ALPK2: variants seen among roughly 807,000 people sequenced by gnomAD.
ALPK2 encodes the protein alpha kinase 2.
In ALPK2, 127 loss-of-function variants were observed where a neutral mutation model predicts 163.1. That is an observed-to-expected ratio of 0.78 (90% CI 0.67 to 0.90). The LOEUF is 0.90. Among genes scored for constraint, ALPK2 ranks in the 40% least tolerant of loss-of-function variants. The pLI is 0.00. For synonymous variants in ALPK2, 953 were observed against 959.1 expected, an observed-to-expected ratio of 0.99 and a Z score of 0.12; for missense variants, 2,360 against 2,589.6, an observed-to-expected ratio of 0.91 and a Z score of 1.92.
At chr18:58,576,968 G>C (rs578120518) in intron 4 of ALPK2, among the ~76,000 whole-genome samples, 1 of 152,222 alleles carries the variant, frequency 6.6e-6, no homozygotes, top group African/African-American at 2.4e-5. Context: ...CAGTGTTCAC[G>C]GTTCTGAGGT....
intron 3 of ALPK2, among the ~76,000 whole-genome samples, chr18:58,606,857 A>G (rs533724511): frequency 2.9e-4 from 44 of 152,350 alleles, no homozygotes; most frequent in African/African-American, 9.4e-4. Flanking sequence ...ATCACTGTAC[A>G]GGACCATACT....
At chr18:58,491,179 G>A (rs761326269) in intron 12 of ALPK2, among the ~76,000 whole-genome samples, 5 of 152,324 alleles carry the variant, frequency 3.3e-5, no homozygotes, top group East Asian at 1.9e-4. Context: ...AACTGACTCC[G>A]TCTTGCTTCT....
chr18:58,508,067 C>G (rs1030397366), intron 10 of ALPK2, among the ~76,000 whole-genome samples: 8 of 152,178 alleles, frequency 5.3e-5, no homozygotes, highest in African/African-American at 1.9e-4. Context: ...TGGTACCACC[C>G]AGACTGGTAA....
At chr18:58,628,045 C>G (rs1014255448) in intron 1 of ALPK2, among the ~76,000 whole-genome samples, 5 of 152,180 alleles carry the variant, frequency 3.3e-5, no homozygotes, top group African/African-American at 1.2e-4. Context: ...ATGTCTGTAA[C>G]TGACACCCTT....
At chr18:58,608,101 G>A (rs1055224396) in intron 2 of ALPK2, among the ~76,000 whole-genome samples, 1 of 152,140 alleles carries the variant, frequency 6.6e-6, no homozygotes, top group African/African-American at 2.4e-5. Flanking sequence ...TCTTTAAAAT[G>A]TGTATTTCAT....
chr18:58,611,922 C>T (rs567780238), intron 1 of ALPK2, 105 bp from the exon 2 acceptor site: 20 of 674,990 alleles, frequency 3.0e-5, no homozygotes, highest in East Asian at 2.0e-4. Context: ...GCTCACTGCA[C>T]GCTGGAGGGT....
chr18:58,513,110 G>A lies in ALPK2; in HGVS notation c.6029+1883C>T, dbSNP rs549319417. Among the ~76,000 whole-genome samples the A allele has an allele frequency of 1.5e-3, 222 of 148,436 alleles. 1 individual carries two copies. The highest frequency in any genetic ancestry group is 2.2e-3 in the Non-Finnish European group (144 of 66,916). ...GTGGTGTGTGTGTGGTATGTGTGTT[G>A]TATGTGGTGTGTGTTTGTATGTAAT... On this transcript the variant is annotated intron_variant, in intron 10 of 12. Coordinates refer to ENST00000361673, the MANE Select transcript of ALPK2 (RefSeq NM_052947.4).
rs764733875 is a variant in ALPK2, at chr18:58,579,365, C to T, written c.1411G>A (p.Asp471Asn). ...DYPGIQGETRDSHQAREEFAS... is the reference protein window; with the variant it reads ...DYPGIQGETRNSHQAREEFAS... ...AATTCCTCTCTTGCTTGGTGGCTGT[C>T]TCTGGTTTCTCCTTGAATTCCTGGA... The change falls in exon 4 of 13, where the codon GAC (aspartate) becomes AAC (asparagine). Residue 471 changes from aspartate (D) to asparagine (N), a missense_variant. Physicochemically the swap from Asp to Asn is conservative, Grantham distance 23. Coordinates refer to ENST00000361673, the MANE Select transcript of ALPK2 (RefSeq NM_052947.4). The T allele has an allele frequency of 6.2e-6, 10 of 1,614,070 alleles. No individual in the cohort carries two copies. Among genetic ancestry groups the T allele is most frequent in the Non-Finnish European group, 8.5e-6 (10 of 1,180,030 alleles).
chr18:58,502,211 C>G (rs935113158), intron 11 of ALPK2, among the ~76,000 whole-genome samples: 2 of 150,190 alleles, frequency 1.3e-5, no homozygotes, highest in Non-Finnish European at 3.0e-5. Context: ...AAAAATTAGC[C>G]AAGTGTGATG....
intron 4 of ALPK2, among the ~76,000 whole-genome samples, chr18:58,570,462 G>A (rs2051880121): frequency 6.6e-6 from 1 of 152,230 alleles, no homozygotes; most frequent in East Asian, 1.9e-4. Context: ...CCTGAACTTA[G>A]ATTAACATGA....
chr18:58,533,965 C>T (rs2051629594), intron 5 of ALPK2, among the ~76,000 whole-genome samples: 1 of 152,114 alleles, frequency 6.6e-6, no homozygotes, highest in Non-Finnish European at 1.5e-5. Context: ...CCATCCGTAG[C>T]TTTTCGCTCC....
At position 58,550,819 on chromosome 18, in the gene ALPK2, T is replaced by G. The variant is rs149951459; in HGVS notation, c.1963-12595A>C. On this transcript the variant is annotated intron_variant, in intron 4 of 12. Transcript: ENST00000361673. ...CATCACATACAACCTCATCCCTATC[T>G]CCATCATATACAACTCCATCCTCAT... Among the ~76,000 whole-genome samples the G allele has an allele frequency of 3.7e-3, 539 of 144,258 alleles. 5 individuals carry two copies. The highest frequency in any genetic ancestry group is 0.013 in the African/African-American group (506 of 38,094). 94.6% of individuals were successfully genotyped at this position (144,258 alleles called of 152,430 possible).
chr18:58,561,333 A>C (rs1890978671), intron 4 of ALPK2, among the ~76,000 whole-genome samples: 1 of 152,198 alleles, frequency 6.6e-6, no homozygotes, highest in South Asian at 2.1e-4. Context: ...TGATGAAATA[A>C]GCCACATTGG....
intron 12 of ALPK2, among the ~76,000 whole-genome samples, chr18:58,490,040 C>T (rs10782061): frequency 0.16 from 23,714 of 151,676 alleles, 1,996 homozygotes; most frequent in East Asian, 0.38. Context: ...CACTGCACTC[C>T]ACCCTTGGTG....
Position 58,578,871 on chromosome 18 carries a change from C to A in ALPK2, c.1905G>T (p.Met635Ile). 6.2e-7 allele frequency: 1 copy of A among 1,614,134 alleles called. No homozygotes were observed. The highest frequency in any genetic ancestry group is 1.1e-5 in the South Asian group (1 of 91,080). The change falls in exon 4 of 13, where the codon ATG becomes ATT. Residue 635 changes from methionine to isoleucine, a missense_variant. Met to Ile is a conservative substitution (Grantham distance 10). Coordinates refer to ENST00000361673, the MANE Select transcript of ALPK2 (RefSeq NM_052947.4). ...EGNTNCKGEG[M>I]QVNTLFETSQ... ...TTGTTTCAAATAGAGTATTAACTTG[C>A]ATGCCTTCTCCCTTGCAATTTGTGT...
intron 12 of ALPK2, among the ~76,000 whole-genome samples, chr18:58,492,611 G>A (rs1279492214): frequency 1.3e-5 from 2 of 152,142 alleles, no homozygotes; most frequent in Admixed American, 6.5e-5. Context: ...GGGTGATCTC[G>A]AATCTACCAG....
intron 10 of ALPK2, among the ~76,000 whole-genome samples, chr18:58,509,994 C>T (rs2051481788): frequency 6.6e-6 from 1 of 152,158 alleles, no homozygotes; most frequent in African/African-American, 2.4e-5. Flanking sequence ...CTGAGGTTTT[C>T]TTCTAGGGTT....
At chr18:58,566,591 T>C (rs1044781259) in intron 4 of ALPK2, 3 of 152,376 alleles carry the variant, frequency 2.0e-5, no homozygotes, top group Middle Eastern at 6.8e-3. Flanking sequence ...TATTGCCAAG[T>C]GACCCTCCTC....
intron 4 of ALPK2, among the ~76,000 whole-genome samples, chr18:58,574,290 A>AAAG (rs2051907339): frequency 6.6e-6 from 1 of 151,600 alleles, no homozygotes; most frequent in Non-Finnish European, 1.5e-5. Context: ...TAAAAAAAAA[A>AAAG]AAACAAAAAT....
Sources: gnomAD v4.1 joint callset for allele counts (sites outside exome capture counted in the v4.1 genomes callset) on GRCh38, gnomAD v4.1.1 for gene constraint, MANE v1.5 for transcripts, NCBI Gene and HGNC (gene_info 2026-07-23, HGNC 2026-07-21) for gene names.